Variants in NEGR1 observed in about 807,000 individuals in gnomAD.
NEGR1 encodes the protein IgLON family member 4.
Under a neutral mutation model 40.9 loss-of-function variants are expected in NEGR1, and 10 were observed. The observed-to-expected ratio is 0.24, with a 90% CI of 0.15 to 0.42. NEGR1 has a LOEUF of 0.42. Among genes scored for constraint, NEGR1 ranks in the 10% least tolerant of loss-of-function variants. The probability of loss-of-function intolerance (pLI) is 1.00; values close to 1 mark genes in which losing one functional copy is unlikely to be tolerated. For synonymous variants in NEGR1, 185 were observed against 166.8 expected (o/e 1.11, Z -0.84); for missense variants, 352 against 438.9 (o/e 0.80, Z 1.77).
intron 1 of NEGR1, among the ~76,000 whole-genome samples, chr1:72,263,985 T>G (rs112323325): frequency 3.8e-4 from 58 of 151,538 alleles, no homozygotes; most frequent in African/African-American, 1.3e-3. Flanking sequence ...TGATGGGGAA[T>G]GGAGCACAAA....
intron 1 of NEGR1, among the ~76,000 whole-genome samples, chr1:71,936,203 G>T (rs1041658571): frequency 6.6e-6 from 1 of 152,158 alleles, no homozygotes; most frequent in African/African-American, 2.4e-5. Flanking sequence ...TATGTTTACT[G>T]ATTGCTGTAG....
chr1:71,429,624 T>C (rs1646452450), intron 6 of NEGR1, among the ~76,000 whole-genome samples: 1 of 152,184 alleles, frequency 6.6e-6, no homozygotes, highest in South Asian at 2.1e-4. Context: ...GATCCATCCA[T>C]ACCTCATTGT....
intron 4 of NEGR1, among the ~76,000 whole-genome samples, chr1:71,669,326 G>A (rs1056568631): frequency 2.0e-5 from 3 of 151,804 alleles, no homozygotes; most frequent in African/African-American, 4.8e-5. Flanking sequence ...TACTTTTAAT[G>A]TATATAATAA....
chr1:71,611,076 T>A lies in NEGR1; in HGVS notation c.738A>T (p.Glu246Asp), dbSNP rs548564946. 3.1e-6 allele frequency: 5 copies of A among 1,613,872 alleles called. No homozygotes were observed. The highest frequency in any genetic ancestry group is 1.3e-5 in the African/African-American group (1 of 74,926). Residue 246 changes from glutamate to aspartate, a missense_variant, in exon 5 of 7, where the codon GAA becomes GAT. Coordinates refer to ENST00000357731, the MANE Select transcript of NEGR1 (RefSeq NM_173808.3). ...AGGCTGGAGGCGGCACACCTGCACC[T>A]TCACATCTTATCAGGCCACTGCGTC... The part of the protein sequence containing the change: ...TPGRSGLIRC[E>D]GAGVPPPAFE...
At chr1:71,880,186 T>G (rs1553171901) in intron 2 of NEGR1, among the ~76,000 whole-genome samples, 1 of 152,026 alleles carries the variant, frequency 6.6e-6, no homozygotes, top group Non-Finnish European at 1.5e-5. Flanking sequence ...TGGAAAGTTT[T>G]GAGGATAGGT....
At chr1:71,939,262 C>T (rs147831168) in intron 1 of NEGR1, among the ~76,000 whole-genome samples, 4 of 152,198 alleles carry the variant, frequency 2.6e-5, no homozygotes, top group African/African-American at 4.8e-5. Flanking sequence ...AAAAATAGCG[C>T]GACTGTTCCC....
chr1:71,925,775 G>A (rs1645766966), intron 2 of NEGR1, among the ~76,000 whole-genome samples: 1 of 151,532 alleles, frequency 6.6e-6, no homozygotes, highest in South Asian at 2.1e-4. Context: ...CCATTAAAAC[G>A]ACTCCAAGAA....
chr1:71,655,280 G>C (rs1237853229), intron 4 of NEGR1, among the ~76,000 whole-genome samples: 1 of 152,156 alleles, frequency 6.6e-6, no homozygotes, highest in Admixed American at 6.5e-5. Context: ...CAAGAAAAAT[G>C]ATAGAATATT....
At chr1:72,151,071 C>T (rs1651108112) in intron 1 of NEGR1, among the ~76,000 whole-genome samples, 1 of 151,800 alleles carries the variant, frequency 6.6e-6, no homozygotes, top group Admixed American at 6.6e-5. Flanking sequence ...CAAACATCGT[C>T]CTCATAGAAT....
intron 6 of NEGR1, among the ~76,000 whole-genome samples, chr1:71,462,994 C>T (rs1468592269): frequency 2.0e-5 from 3 of 152,038 alleles, no homozygotes; most frequent in African/African-American, 7.2e-5. Context: ...TTCTTTTGTT[C>T]TTTTACTGGA....
chr1:72,250,024 C>T (rs527391471), intron 1 of NEGR1, among the ~76,000 whole-genome samples: 3 of 152,088 alleles, frequency 2.0e-5, no homozygotes, highest in African/African-American at 7.2e-5. Context: ...TGTGAAGATA[C>T]TTTTAGGATG....
At chr1:72,103,106 A>G (rs576263621) in intron 1 of NEGR1, among the ~76,000 whole-genome samples, 3 of 152,158 alleles carry the variant, frequency 2.0e-5, no homozygotes, top group African/African-American at 4.8e-5. Context: ...GTACTTTTCT[A>G]TAAGTATACA....
At chr1:71,523,149 G>T (rs1647173031) in intron 6 of NEGR1, among the ~76,000 whole-genome samples, 1 of 151,854 alleles carries the variant, frequency 6.6e-6, no homozygotes, top group Non-Finnish European at 1.5e-5. Context: ...AATCTTCTTG[G>T]AGCCAATGAG....
At chr1:72,224,285 G>C (rs1654104904) in intron 1 of NEGR1, among the ~76,000 whole-genome samples, 1 of 149,994 alleles carries the variant, frequency 6.7e-6, no homozygotes, top group Non-Finnish European at 1.5e-5. Flanking sequence ...TAAGAAAACT[G>C]TTTAGGAAAG....
intron 1 of NEGR1, among the ~76,000 whole-genome samples, chr1:72,159,399 A>G (rs1651474967): frequency 6.6e-6 from 1 of 152,178 alleles, no homozygotes; most frequent in South Asian, 2.1e-4. Context: ...AGCAGAACAT[A>G]GGTACAACAT....
intron 1 of NEGR1, among the ~76,000 whole-genome samples, chr1:72,024,514 T>C (rs1419447029): frequency 6.6e-6 from 1 of 152,124 alleles, no homozygotes; most frequent in East Asian, 1.9e-4. Flanking sequence ...CACAACCTTT[T>C]AGACCATAAA....
At chr1:71,556,011 A>T (rs1325280193) in intron 6 of NEGR1, among the ~76,000 whole-genome samples, 2 of 151,480 alleles carry the variant, frequency 1.3e-5, no homozygotes, top group Non-Finnish European at 3.0e-5. Context: ...AAATATGAAT[A>T]TACTTGCCAC....
At chr1:72,119,319 T>C (rs1649707133) in intron 1 of NEGR1, among the ~76,000 whole-genome samples, 1 of 151,960 alleles carries the variant, frequency 6.6e-6, no homozygotes. Flanking sequence ...AACTGAGGAA[T>C]TAGTGATGCT....
intron 4 of NEGR1, among the ~76,000 whole-genome samples, chr1:71,684,130 C>T (rs1453659462): frequency 6.6e-6 from 1 of 151,790 alleles, no homozygotes; most frequent in Non-Finnish European, 1.5e-5. Flanking sequence ...ATTAGCCGGG[C>T]GTGGTGGTGG....
Sources: gnomAD v4.1 joint callset for allele counts (sites outside exome capture counted in the v4.1 genomes callset) on GRCh38, gnomAD v4.1.1 for gene constraint, MANE v1.5 for transcripts, NCBI Gene and HGNC (gene_info 2026-07-23, HGNC 2026-07-21) for gene names.